ZNF280C: variants seen among roughly 807,000 people sequenced by gnomAD.
ZNF280C encodes the protein zinc finger protein 280C.
In ZNF280C, 14 loss-of-function variants were observed where a neutral mutation model predicts 53.6. The ratio of observed to expected loss-of-function variants is 0.26; its 90% CI spans 0.17 to 0.41. The LOEUF is 0.41. Ranked by LOEUF, ZNF280C falls within the 10% of genes least tolerant of loss-of-function variation. ZNF280C has a pLI of 1.00. For missense variants in ZNF280C, 416 were observed against 547.1 expected (o/e 0.76, Z 2.39); for synonymous variants, 203 against 181.1 (o/e 1.12, Z -0.97).
intron 5 of ZNF280C, among the ~76,000 whole-genome samples, chrX:130,241,383 T>G (rs1258401442): frequency 8.9e-6 from 1 of 112,290 alleles, no homozygotes; most frequent in Non-Finnish European, 1.9e-5. Context: ...GACAATAGTT[T>G]TAATCCCACA....
At position 130,243,682 on chromosome X, in the gene ZNF280C, T is replaced by C; in HGVS notation, c.262A>G (p.Arg88Gly). The C allele has an allele frequency of 3.3e-6, 4 of 1,207,938 alleles. No individual in the cohort carries two copies. The highest frequency in any genetic ancestry group is 4.5e-6 in the Non-Finnish European group (4 of 893,804). ...PHSPGIPEIF[R>G]TASQRCRDPP... ...TCTCTGCAGCGTTGACTTGCAGTCC[T>C]GAATATTTCAGGAATACCTGTATTT... Residue 88 changes from arginine (R) to glycine (G), a missense_variant, in exon 5 of 19, where the codon AGG (arginine) becomes GGG (glycine). By Grantham distance (125) the Arg-to-Gly change is moderately radical. Transcript: ENST00000370978.
chrX:130,244,558 A>T (rs1361553570), intron 3 of ZNF280C, among the ~76,000 whole-genome samples: 2 of 110,308 alleles, frequency 1.8e-5, no homozygotes, highest in Non-Finnish European at 3.8e-5. Context: ...CGGGCAGATC[A>T]TGAGGTCAGG....
intron 9 of ZNF280C, among the ~76,000 whole-genome samples, chrX:130,230,050 C>T (rs1054354111): frequency 5.4e-5 from 6 of 111,751 alleles, no homozygotes; most frequent in Non-Finnish European, 7.5e-5. Context: ...TTCACACCTC[C>T]AAAACACTTC....
intron 2 of ZNF280C, 43 bp downstream of exon 2, chrX:130,260,375 CA>C: frequency 8.8e-7 from 1 of 1,142,357 alleles, no homozygotes; most frequent in Non-Finnish European, 1.2e-6. Flanking sequence ...GTTTACAGTA[CA>C]AAAACCATGC....
chrX:130,205,227 A>G, intron 17 of ZNF280C, 70 bp downstream of exon 17: 1 of 1,100,281 alleles, frequency 9.1e-7, no homozygotes, highest in South Asian at 1.9e-5. Context: ...ACATGGGTCC[A>G]TATGGTGTCC....
intron 16 of ZNF280C, among the ~76,000 whole-genome samples, chrX:130,207,989 C>T (rs758726408): frequency 1.4e-4 from 16 of 111,709 alleles, no homozygotes; most frequent in South Asian, 3.7e-4. Context: ...TTCTTCATCA[C>T]GGTCATCTGT....
At position 130,220,876 on chromosome X, in the gene ZNF280C, T is replaced by C. The variant is rs188893724; in HGVS notation, c.1396-396A>G. ...GAAATTTGCACTTGCCCATAGCTGG[T>C]TAGTGTTCTGTCTACTATACAATTG... On this transcript the variant is annotated intron_variant, in intron 12 of 18. Transcript: ENST00000370978. Among the ~76,000 whole-genome samples the C allele has an allele frequency of 3.4e-3, 376 of 111,062 alleles. 3 individuals carry two copies. The highest frequency in any genetic ancestry group is 0.012 in the African/African-American group (359 of 30,750).
intron 2 of ZNF280C, among the ~76,000 whole-genome samples, chrX:130,257,008 G>A (rs1289873198): frequency 2.8e-5 from 3 of 109,018 alleles, no homozygotes; most frequent in Non-Finnish European, 3.8e-5. Context: ...AGACCATCCT[G>A]GCTAACATGG....
intron 2 of ZNF280C, among the ~76,000 whole-genome samples, chrX:130,255,411 A>T (rs2032559092): frequency 9.4e-6 from 1 of 105,960 alleles, no homozygotes; most frequent in South Asian, 4.4e-4. Context: ...AAGTGCTGGG[A>T]TTACAGGCGT....
At chrX:130,260,369 A>G in intron 2 of ZNF280C, 50 bp downstream of exon 2, 1 of 1,069,572 alleles carries the variant, frequency 9.3e-7, no homozygotes, top group African/African-American at 1.9e-5. Context: ...TGAAAGGTTT[A>G]CAGTACAAAA....
intron 2 of ZNF280C, among the ~76,000 whole-genome samples, chrX:130,257,114 T>C (rs185539096): frequency 4.2e-3 from 393 of 94,576 alleles, no homozygotes; most frequent in African/African-American, 0.015. Flanking sequence ...GGCAGGAGAA[T>C]GGTATGATCC....
At chrX:130,257,860 G>C (rs1483586174) in intron 2 of ZNF280C, among the ~76,000 whole-genome samples, 1 of 112,819 alleles carries the variant, frequency 8.9e-6, no homozygotes, top group Non-Finnish European at 1.9e-5. Context: ...AGTGGCTCAC[G>C]CCTTTAATCC....
chrX:130,246,935 T>C lies in ZNF280C; in HGVS notation c.102A>G (p.Val34=), dbSNP rs761100328. The C allele has an allele frequency of 8.3e-7, 1 of 1,211,447 alleles. No individual in the cohort carries two copies. The highest frequency in any genetic ancestry group is 1.1e-6 in the Non-Finnish European group (1 of 894,907). ...CGTCATCCTCATCCTGAGTTTCTTC[T>C]ACTTTCTTCTGCCATGGCTCTAGCT... ...EEELEPWQKK[V]EETQDEDDDE... Residue 34 remains valine (V), a synonymous_variant, in exon 3 of 19, where the codon GTA becomes GTG. Transcript: ENST00000370978.
intron 13 of ZNF280C, among the ~76,000 whole-genome samples, chrX:130,220,118 C>T (rs985000903): frequency 4.5e-5 from 5 of 110,591 alleles, no homozygotes; most frequent in Non-Finnish European, 7.6e-5. Context: ...ATGATCAAAT[C>T]AGGGTAACGG....
chrX:130,205,191 A>C (rs764311886), intron 17 of ZNF280C, 38 bp from the exon 18 acceptor site: 2 of 1,152,966 alleles, frequency 1.7e-6, no homozygotes, highest in Non-Finnish European at 2.4e-6. Flanking sequence ...AATAGCATAT[A>C]TGAAGAGTGA....
intron 17 of ZNF280C, 64 bp downstream of exon 17, chrX:130,205,233 T>G: frequency 9.2e-7 from 1 of 1,087,408 alleles, no homozygotes; most frequent in Non-Finnish European, 1.3e-6. Flanking sequence ...GTCCATATGG[T>G]GTCCGATCAA....
At chrX:130,220,291 A>T in intron 13 of ZNF280C, 58 bp downstream of exon 13, 2 of 1,042,873 alleles carry the variant, frequency 1.9e-6, no homozygotes, top group Non-Finnish European at 1.3e-6. Flanking sequence ...AAAAAAAAAA[A>T]CATAAAAAAA....
At chrX:130,242,737 TCAC>T (rs765556128) in intron 5 of ZNF280C, among the ~76,000 whole-genome samples, 17 of 111,982 alleles carry the variant, frequency 1.5e-4, no homozygotes, top group Non-Finnish European at 2.6e-4. Context: ...AGACGGGGTT[TCAC>T]CACGTTTGCC....
chrX:130,208,563 T>TA (rs1321770276), intron 16 of ZNF280C, among the ~76,000 whole-genome samples: 2 of 112,452 alleles, frequency 1.8e-5, no homozygotes, highest in East Asian at 2.8e-4. Flanking sequence ...CATAATGTGG[T>TA]AAAAATCAAA....
Sources: allele counts gnomAD v4.1 joint callset (sites outside exome capture counted in the v4.1 genomes callset), GRCh38; gene constraint gnomAD v4.1.1; transcripts MANE v1.5; gene names NCBI Gene and HGNC (gene_info 2026-07-23, HGNC 2026-07-21).